The following COL6A5 variants were observed in gnomAD, a reference collection of about 807,000 sequenced individuals.
COL6A5 encodes collagen type VI alpha 5 chain, also known as collagen alpha-5(VI) chain.
A neutral mutation model predicts 65.6 loss-of-function variants in COL6A5; 48 were observed. The observed-to-expected ratio is 0.73, with a 90% CI of 0.58 to 0.93. The LOEUF is 0.93. Among genes scored for constraint, COL6A5 ranks in the 40% least tolerant of loss-of-function variants. The pLI is 0.00. For missense variants in COL6A5, 914 were observed against 928.3 expected, an observed-to-expected ratio of 0.98 and a Z score of 0.20; for synonymous variants, 291 against 322.8, an observed-to-expected ratio of 0.90 and a Z score of 1.05.
chr3:130,419,833 T>C (rs894054135), intron 25 of COL6A5, among the ~76,000 whole-genome samples: 2 of 152,178 alleles, frequency 1.3e-5, no homozygotes, highest in Non-Finnish European at 2.9e-5. Context: ...AAGAGATCTA[T>C]TGTATATCAT....
chr3:130,361,151 G>A lies in COL6A5; in HGVS notation c.-28-12460G>A, dbSNP rs115816949. On this transcript the variant is annotated intron_variant and NMD_transcript_variant, in intron 1 of 41. Transcript: ENST00000312481. ...GTTCACTCTTGGGAATGTACATTTG[G>A]TGAATTTTGGCAAATGTATAATGAC... Among the ~76,000 whole-genome samples the A allele has an allele frequency of 3.9e-3, 593 of 152,082 alleles. 2 individuals are homozygous for A. Among genetic ancestry groups the A allele is most frequent in the African/African-American group, 0.013 (538 of 41,512 alleles).
intron 1 of COL6A5, among the ~76,000 whole-genome samples, chr3:130,355,915 T>G (rs908845708): frequency 1.3e-5 from 2 of 152,042 alleles, no homozygotes; most frequent in Non-Finnish European, 2.9e-5. Flanking sequence ...CAAAAGAGAT[T>G]TGATAAGTTG....
At chr3:130,371,613 A>G (rs761403421) in intron 1 of COL6A5, among the ~76,000 whole-genome samples, 1 of 152,172 alleles carries the variant, frequency 6.6e-6, no homozygotes, top group Non-Finnish European at 1.5e-5. Context: ...GACAACGGTA[A>G]TTGTATATCC....
intron 1 of COL6A5, among the ~76,000 whole-genome samples, chr3:130,434,922 G>C (rs1937977590): frequency 6.6e-6 from 1 of 152,122 alleles, no homozygotes; most frequent in African/African-American, 2.4e-5. Flanking sequence ...TTCTTTTGCT[G>C]TGCAGATGCT....
At chr3:130,388,607 T>A in exon 6 of COL6A5, 1 of 1,547,344 alleles carries the variant, frequency 6.5e-7, no homozygotes. Context: ...GCCGACATCA[T>A]GTTTCTGGTG....
At chr3:130,376,192 G>C (rs1006570970) in intron 2 of COL6A5, 45 bp from the exon 3 acceptor site, 1 of 1,527,390 alleles carries the variant, frequency 6.5e-7, no homozygotes, top group Non-Finnish European at 8.8e-7. Context: ...AAAATACAAA[G>C]GTTGAATGAT....
At chr3:130,421,344 G>T in exon 27 of COL6A5, 1 of 1,550,728 alleles carries the variant, frequency 6.4e-7, no homozygotes, top group Non-Finnish European at 8.7e-7. Flanking sequence ...GGATTCCCTG[G>T]AGATGCGGGG....
At chr3:130,413,484 G>A (rs2107676687) in intron 20 of COL6A5, 61 bp from the exon 21 acceptor site, 1 of 1,446,686 alleles carries the variant, frequency 6.9e-7, no homozygotes, top group South Asian at 1.2e-5. Context: ...AGGCTGATTT[G>A]CCTCAAGGAA....
chr3:130,397,445 G>A, intron 8 of COL6A5, 138 bp from the exon 9 acceptor site: 2 of 608,548 alleles, frequency 3.3e-6, no homozygotes, highest in East Asian at 5.5e-5. Context: ...AAAGCAGCCA[G>A]TATCTTCCTT....
chr3:130,481,447 G>C (rs1306950215), intron 7 of COL6A5, among the ~76,000 whole-genome samples: 1 of 152,082 alleles, frequency 6.6e-6, no homozygotes, highest in Non-Finnish European at 1.5e-5. Flanking sequence ...ATCTATCACT[G>C]ATGGGCATTT....
chr3:130,395,698 T>C (rs1229304715), intron 8 of COL6A5, among the ~76,000 whole-genome samples: 1 of 152,220 alleles, frequency 6.6e-6, no homozygotes, highest in Admixed American at 6.5e-5. Context: ...CCCTGGGCTG[T>C]GTCCTCTGGT....
At chr3:130,407,590 G>T (rs920603821) in intron 17 of COL6A5, among the ~76,000 whole-genome samples, 13 of 152,230 alleles carry the variant, frequency 8.5e-5, no homozygotes, top group South Asian at 6.2e-4. Flanking sequence ...TTGGACTGAA[G>T]TGAGGCTAGC....
At chr3:130,362,252 T>TTCTCTCTCTCTCTCTC (rs373519002) in intron 1 of COL6A5, among the ~76,000 whole-genome samples, 10,887 of 113,994 alleles carry the variant, frequency 0.096, 777 homozygotes, top group South Asian at 0.15. Context: ...TAAGGTTTCT[T>TTCTCTCTCTCTCTCTC]TCTCTCTCTC....
At chr3:130,484,468 A>G (rs561300569) in exon 8 of COL6A5, 18 of 402,070 alleles carry the variant, frequency 4.5e-5, no homozygotes, top group Non-Finnish European at 7.0e-5. Context: ...AATATCTTCT[A>G]CTAATTCTTA....
chr3:130,403,191 G>T (rs1212037780), intron 12 of COL6A5, among the ~76,000 whole-genome samples: 1 of 152,196 alleles, frequency 6.6e-6, no homozygotes, highest in African/African-American at 2.4e-5. Flanking sequence ...ATGCAATCTT[G>T]TTGTTGGAAG....
intron 7 of COL6A5, among the ~76,000 whole-genome samples, chr3:130,393,067 GTTTTTT>G (rs59517354): frequency 0.019 from 2,116 of 109,218 alleles, 55 homozygotes; most frequent in Admixed American, 0.07. Context: ...TGCTTACAGT[GTTTTTT>G]TTTTGTGTGT....
At chr3:130,360,798 C>A (rs925797376) in intron 1 of COL6A5, among the ~76,000 whole-genome samples, 2 of 151,974 alleles carry the variant, frequency 1.3e-5, no homozygotes, top group African/African-American at 4.8e-5. Flanking sequence ...AAAGTCAACC[C>A]TTTTGAGATA....
chr3:130,406,404 G>A, intron 17 of COL6A5, 83 bp downstream of exon 17: 1 of 1,105,764 alleles, frequency 9.0e-7, no homozygotes. Flanking sequence ...AGTGGTTATA[G>A]GGGATAAAAT....
At chr3:130,410,173 T>C in intron 19 of COL6A5, 99 bp downstream of exon 19, 2 of 873,608 alleles carry the variant, frequency 2.3e-6, no homozygotes, top group Non-Finnish European at 3.6e-6. Flanking sequence ...ACAAATGCTC[T>C]TAAGACCACA....
Sources: gnomAD v4.1 joint callset for allele counts (sites outside exome capture counted in the v4.1 genomes callset) on GRCh38, gnomAD v4.1.1 for gene constraint, MANE v1.5 for transcripts, NCBI Gene and HGNC (gene_info 2026-07-23, HGNC 2026-07-21) for gene names.